The following LYPLAL1 variants were observed in gnomAD, a reference collection of about 807,000 sequenced individuals.
The protein encoded by LYPLAL1 is lysophospholipase-like protein 1.
LYPLAL1 carries 23 observed loss-of-function variants against 19.7 expected under a neutral mutation model. That is an observed-to-expected ratio of 1.17 (90% confidence interval 0.84 to 1.65). The LOEUF (loss-of-function observed/expected upper bound fraction) is 1.65, where lower values mean the gene tolerates loss of function less well. Among genes scored for constraint, LYPLAL1 ranks in the 40% most tolerant of loss-of-function variants. LYPLAL1 has a pLI of 0.00. For synonymous variants in LYPLAL1, 119 were observed against 96.3 expected, an observed-to-expected ratio of 1.24 and a Z score of -1.38; for missense variants, 355 against 279.4, an observed-to-expected ratio of 1.27 and a Z score of -1.93.
chr1:219,296,758 A>G, the LYPLAL1 span, among the ~76,000 whole-genome samples: 2 of 152,218 alleles, frequency 1.3e-5, no homozygotes, highest in African/African-American at 4.8e-5. Context: ...AAGAAATCAT[A>G]GGTTACAACA....
At chr1:219,373,121 A>G in the LYPLAL1 span, among the ~76,000 whole-genome samples, 19 of 152,230 alleles carry the variant, frequency 1.2e-4, no homozygotes, top group African/African-American at 4.6e-4. Flanking sequence ...CATTTATTCC[A>G]ACATAACAGT....
the LYPLAL1 span, among the ~76,000 whole-genome samples, chr1:219,437,626 A>G: frequency 6.6e-6 from 1 of 152,026 alleles, no homozygotes; most frequent in Non-Finnish European, 1.5e-5. Flanking sequence ...GATATTAAAT[A>G]TATATTTTAT....
At chr1:219,265,099 A>AT in the LYPLAL1 span, among the ~76,000 whole-genome samples, 1 of 152,214 alleles carries the variant, frequency 6.6e-6, no homozygotes, top group Non-Finnish European at 1.5e-5. Flanking sequence ...AATGAGGAGC[A>AT]TTAATGGCAA....
chr1:219,211,763 T>G lies in LYPLAL1; in HGVS notation c.*35T>G. On this transcript the variant is annotated 3_prime_UTR_variant, in exon 5 of 5. Coordinates refer to ENST00000366928, the MANE Select transcript of LYPLAL1 (RefSeq NM_138794.5). Reference sequence around the variant, plus strand: ...GAGTGATTTGTTAATGTAAGTGTAATGTCTTTGTGAAAAGTGATTTTTACT... The same window carrying G: ...GAGTGATTTGTTAATGTAAGTGTAAGGTCTTTGTGAAAAGTGATTTTTACT... The G allele has an allele frequency of 7.1e-7, 1 of 1,401,180 alleles. No homozygotes were observed. The highest frequency in any genetic ancestry group is 9.7e-7 in the Non-Finnish European group (1 of 1,029,268). 86.8% of individuals were successfully genotyped at this position (1,401,180 alleles called of 1,614,324 possible). A position where few individuals can be genotyped will look rare whatever the true frequency, so the allele number is the denominator to read the frequency against.
chr1:219,220,703 T>C, the LYPLAL1 span, among the ~76,000 whole-genome samples: 1 of 152,106 alleles, frequency 6.6e-6, no homozygotes, highest in African/African-American at 2.4e-5. Context: ...CGCCCAACAT[T>C]AAACAATTCT....
chr1:219,255,202 TATA>T, the LYPLAL1 span, among the ~76,000 whole-genome samples: 3 of 151,730 alleles, frequency 2.0e-5, no homozygotes, highest in Non-Finnish European at 4.4e-5. Context: ...TTGACATTAT[TATA>T]ATAACTTTTA....
chr1:219,366,070 C>T, the LYPLAL1 span, among the ~76,000 whole-genome samples: 2 of 152,154 alleles, frequency 1.3e-5, no homozygotes, highest in Non-Finnish European at 2.9e-5. Flanking sequence ...ATTTTGACTT[C>T]AGGCTGAGTC....
chr1:219,307,826 T>A, the LYPLAL1 span, among the ~76,000 whole-genome samples: 1 of 152,214 alleles, frequency 6.6e-6, no homozygotes, highest in Non-Finnish European at 1.5e-5. Context: ...TTCCTCCTTA[T>A]TTTTTCTTGC....
chr1:219,221,615 G>A, the LYPLAL1 span, among the ~76,000 whole-genome samples: 127 of 152,306 alleles, frequency 8.3e-4, 1 homozygote, highest in East Asian at 0.018. Context: ...CTATCTGCTG[G>A]TAGCTGTTTC....
chr1:219,411,084 C>T, the LYPLAL1 span, among the ~76,000 whole-genome samples: 1 of 152,170 alleles, frequency 6.6e-6, no homozygotes, highest in Non-Finnish European at 1.5e-5. Flanking sequence ...GCCCCGGTGC[C>T]GGATCCACTA....
At chr1:219,331,394 G>C in the LYPLAL1 span, among the ~76,000 whole-genome samples, 15 of 152,240 alleles carry the variant, frequency 9.9e-5, no homozygotes, top group African/African-American at 3.4e-4. Context: ...GTGGAGGTTG[G>C]CTGATCCAGG....
chr1:219,443,802 A>G, the LYPLAL1 span, among the ~76,000 whole-genome samples: 1 of 152,360 alleles, frequency 6.6e-6, no homozygotes, highest in Admixed American at 6.5e-5. Flanking sequence ...AAAAACAAGT[A>G]AGATAATAAT....
intron 2 of LYPLAL1, among the ~76,000 whole-genome samples, chr1:219,182,899 C>G (rs1223826363): frequency 1.3e-5 from 2 of 152,064 alleles, no homozygotes; most frequent in East Asian, 3.9e-4. Flanking sequence ...TCTCTTGTTA[C>G]ATGGAAGTGA....
chr1:219,374,837 C>A, the LYPLAL1 span, among the ~76,000 whole-genome samples: 10 of 152,166 alleles, frequency 6.6e-5, no homozygotes, highest in Non-Finnish European at 1.3e-4. Flanking sequence ...TTCCCCGTTC[C>A]ATGACTTCAC....
chr1:219,228,406 G>GA, the LYPLAL1 span, among the ~76,000 whole-genome samples: 1 of 152,150 alleles, frequency 6.6e-6, no homozygotes, highest in African/African-American at 2.4e-5. Context: ...TGGAAAGTGA[G>GA]AAAATCAATG....
At chr1:219,262,255 G>A in the LYPLAL1 span, among the ~76,000 whole-genome samples, 1 of 151,844 alleles carries the variant, frequency 6.6e-6, no homozygotes, top group East Asian at 1.9e-4. Context: ...TCTATATCCT[G>A]TATTATTTTT....
chr1:219,348,721 G>C, the LYPLAL1 span, among the ~76,000 whole-genome samples: 2 of 152,154 alleles, frequency 1.3e-5, no homozygotes, highest in Admixed American at 1.3e-4. Flanking sequence ...GCATGAAGCT[G>C]TATAATCTAT....
downstream of LYPLAL1, among the ~76,000 whole-genome samples, chr1:219,213,183 A>G (rs561818637): frequency 3.3e-4 from 50 of 152,176 alleles, no homozygotes; most frequent in East Asian, 1.5e-3. Flanking sequence ...TGAAACAACT[A>G]TCATCCATGG....
At chr1:219,174,924 TG>T (rs1655687487) in intron 1 of LYPLAL1, 1 of 985,258 alleles carries the variant, frequency 1.0e-6, no homozygotes. Flanking sequence ...CCAAGTGAAT[TG>T]TAAGAGAAAA....
Sources: gnomAD v4.1 joint callset for allele counts (sites outside exome capture counted in the v4.1 genomes callset) on GRCh38, gnomAD v4.1.1 for gene constraint, MANE v1.5 for transcripts, NCBI Gene and HGNC (gene_info 2026-07-23, HGNC 2026-07-21) for gene names.